Variants in CLCN5 observed in about 807,000 individuals in gnomAD.
CLCN5 encodes Cl-/H+ antiporter 5.
CLCN5 carries 17 observed loss-of-function variants against 54.0 expected under a neutral mutation model. The observed-to-expected ratio is 0.31, with a 90% CI of 0.22 to 0.47. The LOEUF is 0.47. Ranked by LOEUF, CLCN5 falls within the 20% of genes least tolerant of loss-of-function variation. The pLI, the probability that CLCN5 is intolerant of heterozygous loss-of-function variation, is 1.00. For missense variants in CLCN5, 448 were observed against 646.7 expected (o/e 0.69, Z 3.33); for synonymous variants, 222 against 233.0 (o/e 0.95, Z 0.43).
intron 3 of CLCN5, chrX:50,003,618 T>C (rs1557180962): frequency 3.0e-6 from 1 of 330,158 alleles, no homozygotes; most frequent in Admixed American, 3.1e-5. Flanking sequence ...TGTGCATGTG[T>C]ATATACACAT....
intron 3 of CLCN5, among the ~76,000 whole-genome samples, chrX:49,982,894 C>A (rs368861444): frequency 1.2e-4 from 13 of 111,695 alleles, no homozygotes; most frequent in African/African-American, 4.2e-4. Context: ...TATTAGTGTG[C>A]TACAAATACT....
chrX:49,942,718 T>C (rs1926442952), intron 3 of CLCN5, among the ~76,000 whole-genome samples: 1 of 110,315 alleles, frequency 9.1e-6, no homozygotes, highest in Non-Finnish European at 1.9e-5. Flanking sequence ...TCCATGTCCC[T>C]ACAAAGGACA....
At chrX:50,010,210 CTTCCT>C (rs782692167) in intron 3 of CLCN5, among the ~76,000 whole-genome samples, 31 of 101,955 alleles carry the variant, frequency 3.0e-4, no homozygotes, top group African/African-American at 1.1e-3. Context: ...TCTTTCTTTC[CTTCCT>C]TTCCTTTCCT....
rs1337109127 is a variant in CLCN5 at position 50,032,860 on chromosome X, C to T, written c.17-9456C>T. Among the ~76,000 whole-genome samples, 12 of 110,100 alleles carry T rather than the reference C, an allele frequency of 1.1e-4. No individual in the cohort carries two copies. The South Asian group carries it at 2.3e-3, about 21-fold the overall frequency. ...AGGGTTTTTATGGTTTTAGGTCTAACGTTTAAGTCTTTAATCCATCTTGAA... is the reference window on the plus strand; with the variant it reads ...AGGGTTTTTATGGTTTTAGGTCTAATGTTTAAGTCTTTAATCCATCTTGAA... On this transcript the variant is annotated intron_variant, in intron 3 of 14. Transcript: ENST00000376091.
At chrX:49,978,379 C>T (rs1480818623) in intron 3 of CLCN5, among the ~76,000 whole-genome samples, 1 of 112,443 alleles carries the variant, frequency 8.9e-6, no homozygotes, top group East Asian at 2.8e-4. Flanking sequence ...TTTCCTCAAC[C>T]ATTGAATGGC....
intron 3 of CLCN5, among the ~76,000 whole-genome samples, chrX:49,985,305 A>G (rs1376900134): frequency 8.9e-6 from 1 of 111,790 alleles, no homozygotes; most frequent in Admixed American, 9.5e-5. Context: ...GTGTTCTTAT[A>G]TCCCATTTCC....
At chrX:49,964,859 T>C (rs782418011) in intron 3 of CLCN5, among the ~76,000 whole-genome samples, 2 of 111,231 alleles carry the variant, frequency 1.8e-5, no homozygotes, top group East Asian at 5.6e-4. Context: ...AAGCCCTCTC[T>C]TTTCCATTGC....
At chrX:50,010,297 C>T (rs1411758920) in intron 3 of CLCN5, among the ~76,000 whole-genome samples, 1 of 108,712 alleles carries the variant, frequency 9.2e-6, no homozygotes, top group Non-Finnish European at 1.9e-5. Flanking sequence ...CTGGAGTGCA[C>T]TGGCACCATC....
chrX:49,948,472 C>T (rs1376358546), intron 3 of CLCN5, among the ~76,000 whole-genome samples: 1 of 110,857 alleles, frequency 9.0e-6, no homozygotes, highest in African/African-American at 3.3e-5. Context: ...TTCTGTGGTT[C>T]TTTCATGTCT....
chrX:50,031,813 C>T (rs1931713395), intron 3 of CLCN5, among the ~76,000 whole-genome samples: 1 of 106,882 alleles, frequency 9.4e-6, no homozygotes, highest in Non-Finnish European at 1.9e-5. Context: ...TGGTGTGCTG[C>T]ACCCATTAAC....
At chrX:50,069,683 G>A in intron 4 of CLCN5, 196 bp from the exon 5 acceptor site, 1 of 1,014,862 alleles carries the variant, frequency 9.9e-7, no homozygotes, top group Non-Finnish European at 1.2e-6. Context: ...ACTGCCTTTA[G>A]CCACTCATCA....
At chrX:50,065,304 C>G (rs1437616358) in intron 4 of CLCN5, among the ~76,000 whole-genome samples, 5 of 88,624 alleles carry the variant, frequency 5.6e-5, no homozygotes, top group African/African-American at 2.1e-4. Context: ...TGAACTCAAA[C>G]AAATTTACAA....
intron 4 of CLCN5, 117 bp downstream of exon 4, chrX:50,042,579 G>A (rs996268128): frequency 6.1e-5 from 27 of 441,535 alleles, no homozygotes; most frequent in Non-Finnish European, 8.9e-5. Context: ...TTAACAAATG[G>A]CTAGATTATT....
chrX:50,033,556 G>T (rs1417995665), intron 3 of CLCN5, among the ~76,000 whole-genome samples: 1 of 111,513 alleles, frequency 9.0e-6, no homozygotes, highest in Non-Finnish European at 1.9e-5. Flanking sequence ...ATGCCCATGG[G>T]TAGGAAGAAT....
intron 3 of CLCN5, among the ~76,000 whole-genome samples, chrX:49,978,600 G>A (rs1789157620): frequency 8.9e-6 from 1 of 112,434 alleles, no homozygotes; most frequent in African/African-American, 3.2e-5. Context: ...AAAACACTTT[G>A]GAAAACATAA....
In CLCN5 at chrX:49,984,968, T is replaced by G. The variant is rs1260812917; in HGVS notation, c.17-57348T>G. On this transcript the variant is annotated intron_variant, in intron 3 of 14. Transcript: ENST00000376091. ...AGATTCTTTCTCTCATTTTGAGTAC[T>G]TGGGCTGTTTTTTTTTTGCTGTTGT... 4.5e-5 allele frequency among the ~76,000 whole-genome samples: 5 copies of G among 109,938 alleles called. No individual in the cohort carries two copies. In the Admixed American group the frequency reaches 4.9e-4, roughly 11 times the overall value.
intron 3 of CLCN5, among the ~76,000 whole-genome samples, chrX:49,979,163 C>T (rs1035674316): frequency 6.3e-5 from 7 of 111,703 alleles, no homozygotes; most frequent in African/African-American, 2.3e-4. Flanking sequence ...ACCTTCCCTA[C>T]AAAGTACCTA....
chrX:50,039,162 C>T (rs189287784), intron 3 of CLCN5, among the ~76,000 whole-genome samples: 117 of 111,289 alleles, frequency 1.1e-3, no homozygotes, highest in Non-Finnish European at 1.6e-3. Context: ...GGCACAGTGA[C>T]GCACGCCTGT....
rs1934190376 is a variant in CLCN5 at position 50,094,159 on chromosome X, C to G, written c.*1940C>G. 1 of 111,667 alleles carries G rather than the reference C, an allele frequency of 9.0e-6. No homozygotes were observed. The highest frequency in any genetic ancestry group is 3.3e-5 in the African/African-American group (1 of 30,727). The allele number at this position is 111,667 out of a possible 1,213,427, so 9.2% of individuals were successfully genotyped here. On this transcript the variant is annotated 3_prime_UTR_variant, in exon 15 of 15. Coordinates refer to ENST00000376091, the MANE Select transcript of CLCN5 (RefSeq NM_001127898.4). ...TTTTTTTTGCTCAGAACTGGGTAGCCAAGGGTTATTTTATTTTTATCTTTA... is the reference window on the plus strand; with the variant it reads ...TTTTTTTTGCTCAGAACTGGGTAGCGAAGGGTTATTTTATTTTTATCTTTA...
Sources: allele counts gnomAD v4.1 joint callset (sites outside exome capture counted in the v4.1 genomes callset), GRCh38; gene constraint gnomAD v4.1.1; transcripts MANE v1.5; gene names NCBI Gene and HGNC (gene_info 2026-07-23, HGNC 2026-07-21).